The following CLEC16A variants were observed in gnomAD, a reference collection of about 807,000 sequenced individuals.
The protein encoded by CLEC16A is protein CLEC16A.
A neutral mutation model predicts 109.5 loss-of-function variants in CLEC16A; 51 were observed. The ratio of observed to expected loss-of-function variants is 0.47; its 90% CI spans 0.37 to 0.59. The LOEUF (loss-of-function observed/expected upper bound fraction) is 0.59, where lower values mean the gene tolerates loss of function less well. Ranked by LOEUF, CLEC16A falls within the 20% of genes least tolerant of loss-of-function variation. The probability of loss-of-function intolerance (pLI) is 0.00; values close to 1 mark genes in which losing one functional copy is unlikely to be tolerated. For synonymous variants in CLEC16A, 673 were observed against 564.2 expected, an observed-to-expected ratio of 1.19 and a Z score of -2.73; for missense variants, 1,339 against 1,394.0, an observed-to-expected ratio of 0.96 and a Z score of 0.63.
At chr16:11,103,486 A>T (rs527486792) in intron 19 of CLEC16A, among the ~76,000 whole-genome samples, 2 of 152,224 alleles carry the variant, frequency 1.3e-5, no homozygotes, top group African/African-American at 4.8e-5. Context: ...TGGCTGACAC[A>T]GGGGAATCAC....
chr16:11,008,079 CTCGGTCGT>C (rs2045146129), intron 11 of CLEC16A, among the ~76,000 whole-genome samples: 1 of 152,196 alleles, frequency 6.6e-6, no homozygotes. Flanking sequence ...CGCACACACT[CTCGGTCGT>C]TGTCAGGGGC....
rs964570111 is a variant in CLEC16A, at chr16:11,181,883, ATCT to A, written c.*3198_*3200del. On this transcript the variant is annotated 3_prime_UTR_variant, in exon 24 of 24. Coordinates refer to ENST00000409790, the MANE Select transcript of CLEC16A (RefSeq NM_015226.3). ...AAAGGCGTGGGGTGAACTGATTTTG[ATCT>A]TCTTGTCTAGATGCAATAAATAAAT... 2 of 152,736 alleles carry A rather than the reference ATCT, an allele frequency of 1.3e-5. No homozygotes were observed. Among genetic ancestry groups the A allele is most frequent in the African/African-American group, 4.8e-5 (2 of 41,572 alleles). 9.5% of individuals were successfully genotyped at this position (152,736 alleles called of 1,614,324 possible). A position where few individuals can be genotyped will look rare whatever the true frequency, so the allele number is the denominator to read the frequency against.
At chr16:11,042,884 TTAAG>T (rs1218652561) in intron 15 of CLEC16A, among the ~76,000 whole-genome samples, 2 of 148,452 alleles carry the variant, frequency 1.3e-5, no homozygotes, top group African/African-American at 4.9e-5. Context: ...AATAATATAT[TTAAG>T]TATTATAAGC....
At chr16:11,147,713 A>G (rs1424185347) in intron 22 of CLEC16A, among the ~76,000 whole-genome samples, 1 of 152,236 alleles carries the variant, frequency 6.6e-6, no homozygotes. Flanking sequence ...GTTGTATTAA[A>G]AAATACAGCT....
intron 13 of CLEC16A, among the ~76,000 whole-genome samples, chr16:11,032,507 A>G (rs754865021): frequency 3.9e-5 from 6 of 152,250 alleles, no homozygotes; most frequent in Admixed American, 2.6e-4. Flanking sequence ...TAGGCACTCA[A>G]ACAAGCCCAG....
intron 21 of CLEC16A, among the ~76,000 whole-genome samples, chr16:11,124,639 G>A (rs114586607): frequency 3.9e-5 from 6 of 152,304 alleles, no homozygotes; most frequent in African/African-American, 7.2e-5. Context: ...TCCTCGGCGT[G>A]GGGGGAAGGC....
In CLEC16A at chr16:11,179,492, G is replaced by A. The variant is rs2068892772; in HGVS notation, c.*802G>A. 6.6e-6 allele frequency: 1 copy of A among 152,204 alleles called. No individual in the cohort carries two copies. The highest frequency in any genetic ancestry group is 1.5e-5 in the Non-Finnish European group (1 of 68,042). The allele number at this position is 152,204 out of a possible 1,614,324, so 9.4% of individuals were successfully genotyped here. Reference sequence around the variant, plus strand: ...GGTTTTCTGCTATAGCAGCCGAGAGGCCTCCCATCATGGAAAGATTTCTCC... The same window carrying A: ...GGTTTTCTGCTATAGCAGCCGAGAGACCTCCCATCATGGAAAGATTTCTCC... On this transcript the variant is annotated 3_prime_UTR_variant, in exon 24 of 24. Coordinates refer to ENST00000409790, the MANE Select transcript of CLEC16A (RefSeq NM_015226.3).
chr16:11,120,883 T>C, intron 20 of CLEC16A, 117 bp downstream of exon 20: 1 of 1,071,508 alleles, frequency 9.3e-7, no homozygotes, highest in Non-Finnish European at 1.2e-6. Flanking sequence ...AGTGATATTA[T>C]ACAAGGTATA....
At chr16:11,026,003 C>G (rs1299860588) in intron 13 of CLEC16A, among the ~76,000 whole-genome samples, 1 of 152,208 alleles carries the variant, frequency 6.6e-6, no homozygotes, top group Non-Finnish European at 1.5e-5. Flanking sequence ...TTGCTCTGCT[C>G]ACATCATCAT....
At chr16:10,986,319 C>T (rs1207890164) in intron 10 of CLEC16A, among the ~76,000 whole-genome samples, 2 of 152,130 alleles carry the variant, frequency 1.3e-5, no homozygotes, top group Non-Finnish European at 2.9e-5. Context: ...CATGAGCCGG[C>T]CTGCTGCATT....
chr16:11,046,541 G>T (rs1298367432), intron 16 of CLEC16A, among the ~76,000 whole-genome samples: 1 of 152,134 alleles, frequency 6.6e-6, no homozygotes, highest in Non-Finnish European at 1.5e-5. Context: ...TCATTGTCCA[G>T]TAGAGATTAC....
intron 22 of CLEC16A, among the ~76,000 whole-genome samples, chr16:11,156,917 G>GCCCCCCCCCCCCC (rs60216625): frequency 1.0e-4 from 8 of 77,356 alleles, no homozygotes; most frequent in Admixed American, 4.4e-4. Context: ...CCAAATGCCC[G>GCCCCCCCCCCCCC]CCCCCCCCCC....
At position 11,120,639 on chromosome 16, in the gene CLEC16A, C is replaced by T; in HGVS notation, c.2141C>T (p.Thr714Ile). 1 of 1,612,918 alleles carries T rather than the reference C, an allele frequency of 6.2e-7. No homozygotes were observed. Among genetic ancestry groups the T allele is most frequent in the Non-Finnish European group, 8.5e-7 (1 of 1,179,406 alleles). Residue 714 changes from threonine (T) to isoleucine (I), a missense_variant, in exon 20 of 24, where the codon ACA becomes ATA. Thr to Ile is a moderately conservative substitution (Grantham distance 89, BLOSUM62 -1). Transcript: ENST00000409790. Reference protein sequence around the residue: ...DLNNSDLIACTVITKDGGMVQ... With the variant: ...DLNNSDLIACIVITKDGGMVQ... ...GATAACAGCGACTTGATTGCATGTACAGTGATCACCAAGGATGGCGGCATG... is the reference window on the plus strand; with the variant it reads ...GATAACAGCGACTTGATTGCATGTATAGTGATCACCAAGGATGGCGGCATG...
chr16:11,147,067 G>C (rs1302236740), intron 22 of CLEC16A, among the ~76,000 whole-genome samples: 3 of 152,144 alleles, frequency 2.0e-5, no homozygotes, highest in Non-Finnish European at 4.4e-5. Context: ...GGTAGAGGAA[G>C]AGCGCCGAGA....
intron 19 of CLEC16A, among the ~76,000 whole-genome samples, chr16:11,102,805 G>A (rs1340746683): frequency 1.3e-5 from 2 of 152,216 alleles, no homozygotes; most frequent in Non-Finnish European, 2.9e-5. Flanking sequence ...TAAGTGCCAG[G>A]CACTATCCTA....
At chr16:11,147,304 G>C (rs1441468469) in intron 22 of CLEC16A, among the ~76,000 whole-genome samples, 1 of 152,208 alleles carries the variant, frequency 6.6e-6, no homozygotes, top group African/African-American at 2.4e-5. Flanking sequence ...AGCATGCCCT[G>C]CCGTGGCCCT....
chr16:11,091,575 A>C (rs2050306597), intron 19 of CLEC16A, among the ~76,000 whole-genome samples: 3 of 152,208 alleles, frequency 2.0e-5, no homozygotes, highest in African/African-American at 7.2e-5. Context: ...GGGTAGAGTT[A>C]GTGGGTAAAT....
intron 19 of CLEC16A, among the ~76,000 whole-genome samples, chr16:11,114,208 C>T (rs1215247996): frequency 6.6e-6 from 1 of 150,940 alleles, no homozygotes; most frequent in Non-Finnish European, 1.5e-5. Context: ...CTGGCTGCCC[C>T]CTTCCCCTCA....
Position 11,024,865 on chromosome 16 carries a change from A to G in CLEC16A, c.1481A>G (p.Asp494Gly). 1.2e-6 allele frequency: 2 copies of G among 1,609,958 alleles called. No homozygotes were observed. Among genetic ancestry groups the G allele is most frequent in the East Asian group, 2.2e-5 (1 of 44,792 alleles). The change falls in exon 13 of 24, where the codon GAT becomes GGT. Residue 494 changes from aspartate to glycine, a missense_variant. By Grantham distance (94) the Asp-to-Gly change is moderately conservative. Coordinates refer to ENST00000409790, the MANE Select transcript of CLEC16A (RefSeq NM_015226.3). ...TACCACGCGCTGGACAGCCCGGATGATGATTACCATGCCCTGTTCGTGCTC... is the reference window on the plus strand; with the variant it reads ...TACCACGCGCTGGACAGCCCGGATGGTGATTACCATGCCCTGTTCGTGCTC... ...MVYHALDSPDDDYHALFVLCL... is the reference protein window; with the variant it reads ...MVYHALDSPDGDYHALFVLCL...
Sources: gnomAD v4.1 joint callset for allele counts (sites outside exome capture counted in the v4.1 genomes callset) on GRCh38, gnomAD v4.1.1 for gene constraint, MANE v1.5 for transcripts, NCBI Gene and HGNC (gene_info 2026-07-23, HGNC 2026-07-21) for gene names.